RAD18: variants seen among roughly 807,000 people sequenced by gnomAD.
RAD18 encodes the protein RAD18 E3 ubiquitin protein ligase.
RAD18 carries 47 observed loss-of-function variants against 60.4 expected under a neutral mutation model. That is an observed-to-expected ratio of 0.78 (90% CI 0.62 to 0.99). RAD18 has a LOEUF of 0.99. Among genes scored for constraint, RAD18 ranks in the 50% least tolerant of loss-of-function variants. The pLI, the probability that RAD18 is intolerant of heterozygous loss-of-function variation, is 0.00. For missense variants in RAD18, 640 were observed against 593.3 expected, an observed-to-expected ratio of 1.08 and a Z score of -0.82; for synonymous variants, 225 against 195.5, an observed-to-expected ratio of 1.15 and a Z score of -1.26.
At chr3:8,885,347 T>C (rs1939540981) in intron 12 of RAD18, among the ~76,000 whole-genome samples, 1 of 152,230 alleles carries the variant, frequency 6.6e-6, no homozygotes, top group Admixed American at 6.5e-5. Context: ...GACAGGCTCA[T>C]AAGTGCATGC....
chr3:8,905,823 G>A (rs757491135), intron 9 of RAD18, among the ~76,000 whole-genome samples: 5 of 151,964 alleles, frequency 3.3e-5, no homozygotes, highest in South Asian at 2.1e-4. Flanking sequence ...TCAAATATTC[G>A]ACACTCCCCA....
Position 8,963,448 on chromosome 3 carries a change from G to C in RAD18, c.-63C>G. 22 of 1,433,264 alleles carry C rather than the reference G, an allele frequency of 1.5e-5. No individual in the cohort carries two copies. The highest frequency in any genetic ancestry group is 2.1e-5 in the Non-Finnish European group (22 of 1,048,598). The allele number at this position is 1,433,264 out of a possible 1,614,324, so 88.8% of individuals were successfully genotyped here. A position where few individuals can be genotyped will look rare whatever the true frequency, so the allele number is the denominator to read the frequency against. ...AGCCTCCGGCGCTCCAACACCACTCGAAATTCCCCGCGCTACCGCATTACG... is the reference window on the plus strand; with the variant it reads ...AGCCTCCGGCGCTCCAACACCACTCCAAATTCCCCGCGCTACCGCATTACG... On this transcript the variant is annotated 5_prime_UTR_variant, in exon 1 of 13. Coordinates refer to ENST00000264926, the MANE Select transcript of RAD18 (RefSeq NM_020165.4).
At chr3:8,942,086 C>T (rs964654032) in intron 4 of RAD18, among the ~76,000 whole-genome samples, 2 of 152,006 alleles carry the variant, frequency 1.3e-5, no homozygotes, top group African/African-American at 2.4e-5. Flanking sequence ...CTTTAAAATC[C>T]GAACAAAATA....
chr3:8,953,603 T>C (rs35347337), intron 2 of RAD18, among the ~76,000 whole-genome samples: 3,892 of 152,284 alleles, frequency 0.026, 67 homozygotes, highest in Non-Finnish European at 0.034. Context: ...AAATCACCTA[T>C]GAAATTTGTC....
chr3:8,924,120 T>C lies in RAD18; in HGVS notation c.890-10400A>G, dbSNP rs537135441. Among the ~76,000 whole-genome samples the C allele has an allele frequency of 3.2e-3, 485 of 152,146 alleles. 2 individuals carry two copies. The highest frequency in any genetic ancestry group is 5.8e-3 in the Non-Finnish European group (394 of 68,000). On this transcript the variant is annotated intron_variant, in intron 7 of 12. Transcript: ENST00000264926. ...CAATTAAAAGACACAGACTGGCAAATTGGATAAAGAGTCAAGACCCATCAG... is the reference window on the plus strand; with the variant it reads ...CAATTAAAAGACACAGACTGGCAAACTGGATAAAGAGTCAAGACCCATCAG...
chr3:8,948,204 A>G lies in RAD18; in HGVS notation c.195+305T>C, dbSNP rs556369854. On this transcript the variant is annotated intron_variant, in intron 3 of 12. Transcript: ENST00000264926. ...CAGTTCTTTGCAAATGAATAATCAT[A>G]CCACCAGAGTTTCTACCAAAGTGAG... Among the ~76,000 whole-genome samples, 20 of 152,338 alleles carry G rather than the reference A, an allele frequency of 1.3e-4. No homozygotes were observed. In the East Asian group the frequency reaches 3.9e-3, roughly 29 times the overall value.
chr3:8,908,198 G>A (rs1014396199), intron 9 of RAD18, among the ~76,000 whole-genome samples: 1 of 152,042 alleles, frequency 6.6e-6, no homozygotes, highest in African/African-American at 2.4e-5. Flanking sequence ...GACATAGAGT[G>A]ATTAAAGGAA....
intron 2 of RAD18, among the ~76,000 whole-genome samples, chr3:8,950,687 C>T (rs1364645071): frequency 6.6e-6 from 1 of 152,168 alleles, no homozygotes; most frequent in African/African-American, 2.4e-5. Flanking sequence ...GAGCAAGCAT[C>T]AGAACCAAAG....
chr3:8,945,520 G>A (rs981600320), intron 4 of RAD18, among the ~76,000 whole-genome samples: 9 of 142,418 alleles, frequency 6.3e-5, no homozygotes, highest in Non-Finnish European at 1.2e-4. Context: ...TCGCCAGGCT[G>A]GAGTGCAGTG....
chr3:8,898,808 G>T, intron 11 of RAD18, 86 bp downstream of exon 11: 1 of 1,212,520 alleles, frequency 8.2e-7, no homozygotes, highest in Non-Finnish European at 1.1e-6. Flanking sequence ...ATGCCTCAAA[G>T]CTACATTCTA....
At chr3:8,912,393 C>T (rs1940119677) in intron 8 of RAD18, 21 bp from the exon 9 acceptor site, 1 of 1,486,962 alleles carries the variant, frequency 6.7e-7, no homozygotes, top group Admixed American at 2.4e-5. Flanking sequence ...CAAAAAAAGA[C>T]CTTAATAAAA....
chr3:8,922,256 A>C lies in RAD18; in HGVS notation c.890-8536T>G, dbSNP rs542358194. Among the ~76,000 whole-genome samples the C allele has an allele frequency of 1.2e-4, 18 of 152,334 alleles. No homozygotes were observed. In the South Asian group the frequency reaches 3.7e-3, roughly 32 times the overall value. On this transcript the variant is annotated intron_variant, in intron 7 of 12. Transcript: ENST00000264926. ...TCCCACCCTACTACTGCACTTCTCC[A>C]ACGGTCTTAGCAAACAGCGCACCAG...
At chr3:8,943,607 C>T (rs772254727) in intron 4 of RAD18, among the ~76,000 whole-genome samples, 1 of 151,504 alleles carries the variant, frequency 6.6e-6, no homozygotes, top group Non-Finnish European at 1.5e-5. Context: ...GGGAAATCAG[C>T]AATACTAGAA....
At chr3:8,923,833 G>C (rs372077255) in intron 7 of RAD18, among the ~76,000 whole-genome samples, 2 of 152,140 alleles carry the variant, frequency 1.3e-5, no homozygotes, top group Admixed American at 6.5e-5. Flanking sequence ...AAGTGAAGGA[G>C]AAATAAAATA....
intron 2 of RAD18, among the ~76,000 whole-genome samples, chr3:8,953,264 T>G (rs918880569): frequency 6.6e-6 from 1 of 151,180 alleles, no homozygotes; most frequent in Non-Finnish European, 1.5e-5. Context: ...ATTATATATA[T>G]TATGTATACA....
At chr3:8,884,173 T>C (rs751428106) in intron 12 of RAD18, among the ~76,000 whole-genome samples, 2 of 152,158 alleles carry the variant, frequency 1.3e-5, no homozygotes, top group Non-Finnish European at 2.9e-5. Context: ...CCCAAGGCCA[T>C]AGAGGAACTG....
chr3:8,881,593 T>C, intron 12 of RAD18, 134 bp from the exon 13 acceptor site: 1 of 653,812 alleles, frequency 1.5e-6, no homozygotes, highest in Non-Finnish European at 2.6e-6. Flanking sequence ...GATGAATTCA[T>C]AATTGTTATT....
At chr3:8,899,910 G>T (rs593205) in intron 10 of RAD18, among the ~76,000 whole-genome samples, 1 of 152,134 alleles carries the variant, frequency 6.6e-6, no homozygotes, top group Admixed American at 6.5e-5. Flanking sequence ...CAGAGAAACA[G>T]AGCTTTCACA....
intron 12 of RAD18, among the ~76,000 whole-genome samples, chr3:8,881,839 C>A (rs1200416227): frequency 6.6e-6 from 1 of 152,170 alleles, no homozygotes; most frequent in East Asian, 1.9e-4. Context: ...TTTAAAGGAA[C>A]TAAGAAAGTA....
Sources: gnomAD v4.1 joint callset for allele counts (sites outside exome capture counted in the v4.1 genomes callset) on GRCh38, gnomAD v4.1.1 for gene constraint, MANE v1.5 for transcripts, NCBI Gene and HGNC (gene_info 2026-07-23, HGNC 2026-07-21) for gene names.